FBXL7: variants seen among roughly 807,000 people sequenced by gnomAD.
The protein encoded by FBXL7 is F-box/LRR-repeat protein 7.
A neutral mutation model predicts 38.3 loss-of-function variants in FBXL7; 12 were observed. The observed-to-expected ratio is 0.31, with a 90% CI of 0.20 to 0.51. FBXL7 has a LOEUF of 0.51. FBXL7 is among the 20% of genes least tolerant of loss of function. The pLI, the probability that FBXL7 is intolerant of heterozygous loss-of-function variation, is 0.98. For missense variants in FBXL7, 567 were observed against 676.4 expected (o/e 0.84, Z 1.79); for synonymous variants, 297 against 300.9 (o/e 0.99, Z 0.13).
chr5:15,925,569 G>A (rs1741858255), intron 2 of FBXL7, among the ~76,000 whole-genome samples: 1 of 152,250 alleles, frequency 6.6e-6, no homozygotes, highest in African/African-American at 2.4e-5. Flanking sequence ...ATTGCTGGAA[G>A]TTCTTTGAGA....
At chr5:15,730,928 A>G (rs893073051) in intron 2 of FBXL7, among the ~76,000 whole-genome samples, 1 of 152,240 alleles carries the variant, frequency 6.6e-6, no homozygotes, top group Non-Finnish European at 1.5e-5. Flanking sequence ...TATTGCCTAT[A>G]AAACAGAGAT....
intron 2 of FBXL7, among the ~76,000 whole-genome samples, chr5:15,629,536 C>T (rs923006968): frequency 5.3e-5 from 8 of 152,282 alleles, no homozygotes; most frequent in Non-Finnish European, 1.2e-4. Context: ...TGGGGTCTTC[C>T]TCACCAGACC....
chr5:15,550,239 G>A (rs1428582348), intron 1 of FBXL7, among the ~76,000 whole-genome samples: 3 of 152,182 alleles, frequency 2.0e-5, no homozygotes, highest in Non-Finnish European at 2.9e-5. Flanking sequence ...TTCCCTTGAA[G>A]GAGGCTTGGA....
intron 2 of FBXL7, among the ~76,000 whole-genome samples, chr5:15,678,565 G>T (rs553120068): frequency 1.3e-5 from 2 of 152,250 alleles, no homozygotes; most frequent in Non-Finnish European, 2.9e-5. Flanking sequence ...TCACAGTTTG[G>T]CTGTGTCCCC....
chr5:15,559,040 A>G (rs570450992), intron 1 of FBXL7, among the ~76,000 whole-genome samples: 1 of 152,368 alleles, frequency 6.6e-6, no homozygotes, highest in Admixed American at 6.5e-5. Context: ...CACAATCAAT[A>G]TGAACCATTC....
intron 1 of FBXL7, among the ~76,000 whole-genome samples, chr5:15,528,044 A>C (rs562875849): frequency 1.3e-5 from 2 of 152,256 alleles, no homozygotes; most frequent in Non-Finnish European, 2.9e-5. Context: ...AGTCCTAATT[A>C]TTTGGATATG....
At chr5:15,824,462 G>T (rs1217644474) in intron 2 of FBXL7, among the ~76,000 whole-genome samples, 1 of 151,868 alleles carries the variant, frequency 6.6e-6, no homozygotes, top group Non-Finnish European at 1.5e-5. Context: ...TGTTTGCTTT[G>T]CTTGTGACCG....
intron 1 of FBXL7, among the ~76,000 whole-genome samples, chr5:15,518,141 C>T (rs1442397209): frequency 6.6e-6 from 1 of 152,104 alleles, no homozygotes; most frequent in Non-Finnish European, 1.5e-5. Flanking sequence ...CAGGCCCACA[C>T]CACCATGCCG....
At chr5:15,570,076 CT>C in intron 1 of FBXL7, among the ~76,000 whole-genome samples, 1 of 152,316 alleles carries the variant, frequency 6.6e-6, no homozygotes, top group Non-Finnish European at 1.5e-5. Flanking sequence ...CTCTGCCAGG[CT>C]TTGGTATCAG....
chr5:15,878,738 C>G (rs961668713), intron 2 of FBXL7, among the ~76,000 whole-genome samples: 5 of 152,114 alleles, frequency 3.3e-5, no homozygotes, highest in African/African-American at 9.7e-5. Flanking sequence ...GGAGACGCAG[C>G]CAGGCTGAGT....
intron 2 of FBXL7, among the ~76,000 whole-genome samples, chr5:15,808,179 A>T (rs1270429489): frequency 6.6e-6 from 1 of 151,774 alleles, no homozygotes; most frequent in East Asian, 1.9e-4. Context: ...TGTGGCAGTG[A>T]TCTAACCCAC....
At chr5:15,766,947 G>GT (rs1356939343) in intron 2 of FBXL7, among the ~76,000 whole-genome samples, 1 of 152,100 alleles carries the variant, frequency 6.6e-6, no homozygotes, top group Non-Finnish European at 1.5e-5. Context: ...CACACCACTA[G>GT]TAAACAACTC....
intron 2 of FBXL7, among the ~76,000 whole-genome samples, chr5:15,785,061 G>A (rs752522822): frequency 3.9e-5 from 6 of 152,158 alleles, no homozygotes; most frequent in Non-Finnish European, 8.8e-5. Flanking sequence ...GGCATGATGA[G>A]CCAAACTTCT....
At chr5:15,697,972 C>T (rs1743391699) in intron 2 of FBXL7, among the ~76,000 whole-genome samples, 1 of 152,200 alleles carries the variant, frequency 6.6e-6, no homozygotes, top group South Asian at 2.1e-4. Flanking sequence ...CCTACTCACT[C>T]ATATTGTAGA....
Position 15,582,940 on chromosome 5 carries a change from T to C in FBXL7, c.38-33043T>C, listed in dbSNP as rs1284718934. Among the ~76,000 whole-genome samples, 2 of 152,090 alleles carry C rather than the reference T, an allele frequency of 1.3e-5. 1 individual carries two copies. Among genetic ancestry groups the C allele is most frequent in the South Asian group, 4.1e-4 (2 of 4,820 alleles). On this transcript the variant is annotated intron_variant, in intron 1 of 3. Transcript: ENST00000504595. The stretch of plus-strand genomic sequence containing the variant: ...TAATCCTCTCCTTGGCTCATGTTTT[T>C]TTTTTTTTTTGTGGGGATGTTGTAT...
At chr5:15,932,286 A>G (rs1377626424) in intron 3 of FBXL7, among the ~76,000 whole-genome samples, 1 of 152,188 alleles carries the variant, frequency 6.6e-6, no homozygotes, top group East Asian at 1.9e-4. Context: ...GAGGCACTCA[A>G]TAAATCGCAG....
intron 2 of FBXL7, among the ~76,000 whole-genome samples, chr5:15,889,822 C>G (rs2126372689): frequency 6.6e-6 from 1 of 152,234 alleles, no homozygotes. Context: ...TTCTTTTCTT[C>G]CACAGACATA....
intron 2 of FBXL7, among the ~76,000 whole-genome samples, chr5:15,788,487 A>C (rs573403700): frequency 1.1e-4 from 16 of 152,254 alleles, no homozygotes; most frequent in African/African-American, 3.6e-4. Flanking sequence ...GAAGCATCTC[A>C]AATTTTGCTG....
chr5:15,837,396 T>TC, intron 2 of FBXL7, among the ~76,000 whole-genome samples: 1 of 152,308 alleles, frequency 6.6e-6, no homozygotes, highest in East Asian at 1.9e-4. Context: ...ATACAGTTTT[T>TC]CCCATATGTA....
Sources: gnomAD v4.1 joint callset for allele counts (sites outside exome capture counted in the v4.1 genomes callset) on GRCh38, gnomAD v4.1.1 for gene constraint, MANE v1.5 for transcripts, NCBI Gene and HGNC (gene_info 2026-07-23, HGNC 2026-07-21) for gene names.